Variants in KLF8 observed in about 807,000 individuals in gnomAD.
KLF8 encodes KLF transcription factor 8, also known as Krueppel-like factor 8.
In KLF8, 10 loss-of-function variants were observed where a neutral mutation model predicts 18.2. The observed-to-expected ratio is 0.55, with a 90% CI of 0.34 to 0.93. KLF8 has a LOEUF of 0.93. Among genes scored for constraint, KLF8 ranks in the 40% least tolerant of loss-of-function variants. The pLI is 0.02. For missense variants in KLF8, 264 were observed against 277.9 expected (o/e 0.95, Z 0.36); for synonymous variants, 109 against 97.3 (o/e 1.12, Z -0.71).
chrX:55,937,992 G>A, the KLF8 span, among the ~76,000 whole-genome samples: 1 of 110,987 alleles, frequency 9.0e-6, no homozygotes, highest in African/African-American at 3.3e-5. Context: ...TAGCAAGGCA[G>A]GCCAACATTC....
chrX:55,995,843 A>G, the KLF8 span, among the ~76,000 whole-genome samples: 2 of 111,148 alleles, frequency 1.8e-5, no homozygotes, highest in Admixed American at 9.6e-5. Flanking sequence ...GGAGAATCTG[A>G]TGACTATGAG....
chrX:56,007,198 T>C, the KLF8 span, among the ~76,000 whole-genome samples: 4 of 111,643 alleles, frequency 3.6e-5, no homozygotes, highest in East Asian at 1.1e-3. Context: ...GCCAGTGTCA[T>C]AATGTTGCAT....
intron 5 of KLF8, among the ~76,000 whole-genome samples, chrX:56,283,982 G>C (rs1034765199): frequency 9.0e-6 from 1 of 111,507 alleles, no homozygotes; most frequent in African/African-American, 3.3e-5. Flanking sequence ...ACTCCTGTAG[G>C]TAACAATGTA....
At chrX:55,910,506 G>A in the KLF8 span, among the ~76,000 whole-genome samples, 1 of 111,684 alleles carries the variant, frequency 9.0e-6, no homozygotes, top group African/African-American at 3.3e-5. Flanking sequence ...AGAGGAAGTA[G>A]CAAGTGCAAA....
At chrX:55,973,351 A>C in the KLF8 span, among the ~76,000 whole-genome samples, 3 of 112,139 alleles carry the variant, frequency 2.7e-5, no homozygotes, top group African/African-American at 9.7e-5. Context: ...ATAAATTGAC[A>C]AGTGGGAAGT....
At chrX:56,029,175 C>A in the KLF8 span, among the ~76,000 whole-genome samples, 1 of 110,816 alleles carries the variant, frequency 9.0e-6, no homozygotes, top group East Asian at 2.8e-4. Context: ...GGGGCCATTG[C>A]TTAGCTAGTG....
At chrX:56,035,363 A>T in the KLF8 span, among the ~76,000 whole-genome samples, 1 of 112,162 alleles carries the variant, frequency 8.9e-6, no homozygotes, top group South Asian at 3.7e-4. Context: ...TTATGCAGCC[A>T]TCTGTTCTTA....
rs1350892984 is a variant in KLF8, at chrX:56,291,210, CTG to C, written c.*6718_*6719del. On this transcript the variant is annotated 3_prime_UTR_variant, in exon 6 of 6. Coordinates refer to ENST00000468660, the MANE Select transcript of KLF8 (RefSeq NM_007250.5). ...AAGACAGTATATTAAGCTTTAGTCTCTGTAACTCTTATGTTTGTGCCCCATTA... is the reference window on the plus strand; with the variant it reads ...AAGACAGTATATTAAGCTTTAGTCTCTAACTCTTATGTTTGTGCCCCATTA... Among the ~76,000 whole-genome samples the C allele has an allele frequency of 1.2e-4, 13 of 111,988 alleles. No individual in the cohort carries two copies. The highest frequency in any genetic ancestry group is 4.2e-4 in the African/African-American group (13 of 30,813).
chrX:56,006,702 T>C, the KLF8 span, among the ~76,000 whole-genome samples: 1 of 112,796 alleles, frequency 8.9e-6, no homozygotes, highest in Non-Finnish European at 1.9e-5. Flanking sequence ...ATTTTTGCTC[T>C]TGAGTTTTTT....
chrX:56,084,258 C>T, the KLF8 span, among the ~76,000 whole-genome samples: 3 of 110,496 alleles, frequency 2.7e-5, no homozygotes, highest in Admixed American at 9.7e-5. Flanking sequence ...TGGCACATGC[C>T]TGTGGTCCCA....
chrX:56,180,926 A>T, the KLF8 span, among the ~76,000 whole-genome samples: 4 of 111,772 alleles, frequency 3.6e-5, no homozygotes, highest in East Asian at 8.4e-4. Context: ...TGCTGAGAAG[A>T]ATATATATTC....
chrX:56,146,957 C>T, the KLF8 span, among the ~76,000 whole-genome samples: 1 of 112,250 alleles, frequency 8.9e-6, no homozygotes, highest in Non-Finnish European at 1.9e-5. Flanking sequence ...TCCAAAATCT[C>T]AGCGCCAGTA....
At chrX:55,948,961 T>A in the KLF8 span, among the ~76,000 whole-genome samples, 1 of 112,301 alleles carries the variant, frequency 8.9e-6, no homozygotes, top group Non-Finnish European at 1.9e-5. Flanking sequence ...ATGGCATTTT[T>A]AAATAGATCA....
chrX:55,954,237 C>G, the KLF8 span, among the ~76,000 whole-genome samples: 2 of 111,210 alleles, frequency 1.8e-5, no homozygotes, highest in Non-Finnish European at 3.8e-5. Context: ...ATTAAAATAG[C>G]TACATCTTAC....
At chrX:56,184,652 G>A in the KLF8 span, among the ~76,000 whole-genome samples, 11 of 111,525 alleles carry the variant, frequency 9.9e-5, no homozygotes, top group African/African-American at 3.6e-4. Flanking sequence ...CACCTCACAC[G>A]GCCGGGTACT....
At chrX:56,023,878 TCTA>T in the KLF8 span, among the ~76,000 whole-genome samples, 1 of 111,905 alleles carries the variant, frequency 8.9e-6, no homozygotes, top group African/African-American at 3.2e-5. Context: ...TATTCAGTAA[TCTA>T]CTGATGGACA....
intron 1 of KLF8, chrX:56,243,338 G>T: frequency 3.1e-6 from 1 of 323,644 alleles, no homozygotes; most frequent in Non-Finnish European, 5.7e-6. Context: ...CTGTCTTCTT[G>T]GCCTTCAAAG....
At chrX:56,212,131 G>A in the KLF8 span, among the ~76,000 whole-genome samples, 2 of 111,402 alleles carry the variant, frequency 1.8e-5, no homozygotes, top group Non-Finnish European at 3.8e-5. Flanking sequence ...GCCTGGAATG[G>A]GGGTGTCACA....
At chrX:56,253,347 T>C (rs1481027586) in intron 2 of KLF8, among the ~76,000 whole-genome samples, 1 of 112,271 alleles carries the variant, frequency 8.9e-6, no homozygotes, top group African/African-American at 3.2e-5. Context: ...TTTGAGGTCT[T>C]AGATTTAACT....
Sources: gnomAD v4.1 joint callset for allele counts (sites outside exome capture counted in the v4.1 genomes callset) on GRCh38, gnomAD v4.1.1 for gene constraint, MANE v1.5 for transcripts, NCBI Gene and HGNC (gene_info 2026-07-23, HGNC 2026-07-21) for gene names.